BRINP3: variants seen among roughly 807,000 people sequenced by gnomAD.
BRINP3 encodes the protein BMP/retinoic acid-inducible neural-specific protein 3.
A neutral mutation model predicts 71.0 loss-of-function variants in BRINP3; 19 were observed. That is an observed-to-expected ratio of 0.27 (90% confidence interval 0.19 to 0.39). The LOEUF (loss-of-function observed/expected upper bound fraction) is 0.39. Among genes scored for constraint, BRINP3 ranks in the 10% least tolerant of loss-of-function variants. The probability of loss-of-function intolerance (pLI) is 1.00; values close to 1 mark genes in which losing one functional copy is unlikely to be tolerated. For synonymous variants in BRINP3, 380 were observed against 337.7 expected, an observed-to-expected ratio of 1.13 and a Z score of -1.37; for missense variants, 959 against 940.8, an observed-to-expected ratio of 1.02 and a Z score of -0.25.
At chr1:190,402,198 C>T (rs775357506) in intron 2 of BRINP3, among the ~76,000 whole-genome samples, 3 of 151,956 alleles carry the variant, frequency 2.0e-5, no homozygotes, top group Non-Finnish European at 4.4e-5. Context: ...GTTTAATTTG[C>T]CTGCTATTTT....
At chr1:190,166,534 AT>A (rs1280975326) in intron 6 of BRINP3, among the ~76,000 whole-genome samples, 1 of 152,126 alleles carries the variant, frequency 6.6e-6, no homozygotes, top group Non-Finnish European at 1.5e-5. Flanking sequence ...TGGGTGTATC[AT>A]TTAAACTAGA....
chr1:190,370,294 A>AC lies in BRINP3; in HGVS notation c.236+84360dup, dbSNP rs537123733. Among the ~76,000 whole-genome samples, 817 of 152,326 alleles carry AC rather than the reference A, an allele frequency of 5.4e-3. 4 individuals carry two copies. Among genetic ancestry groups the AC allele is most frequent in the Middle Eastern group, 0.014 (4 of 294 alleles). On this transcript the variant is annotated intron_variant, in intron 2 of 7. Transcript: ENST00000367462. Reference sequence around the variant, plus strand: ...GTCTAAGAAGGAAATTATTATAGAAACAGAAGATATTTGTAAAATATTTAA... The same window carrying AC: ...GTCTAAGAAGGAAATTATTATAGAAACCAGAAGATATTTGTAAAATATTTAA...
At chr1:190,307,642 T>C (rs539364899) in intron 2 of BRINP3, among the ~76,000 whole-genome samples, 61 of 151,976 alleles carry the variant, frequency 4.0e-4, no homozygotes, top group Non-Finnish European at 6.2e-4. Context: ...TACTGCTTTT[T>C]AATTTTTTTC....
In BRINP3 at chr1:190,097,811, G is replaced by A; in HGVS notation, c.*207C>T. On this transcript the variant is annotated 3_prime_UTR_variant, in exon 8 of 8. Coordinates refer to ENST00000367462, the MANE Select transcript of BRINP3 (RefSeq NM_199051.3). ...TAGAATGTCTTCTAGACTGGTGTCA[G>A]TATTTATGTCATTCATAAACCAAAA... The A allele has an allele frequency of 3.7e-6, 2 of 547,356 alleles. No individual in the cohort carries two copies. Among genetic ancestry groups the A allele is most frequent in the Non-Finnish European group, 6.4e-6 (2 of 311,956 alleles). The allele number at this position is 547,356 out of a possible 1,614,324, so 33.9% of individuals were successfully genotyped here.
chr1:190,313,963 C>T (rs1665712006), intron 2 of BRINP3, among the ~76,000 whole-genome samples: 1 of 151,948 alleles, frequency 6.6e-6, no homozygotes, highest in African/African-American at 2.4e-5. Context: ...ATCTTTCATA[C>T]ATCAAATGCA....
At chr1:190,348,905 A>G (rs1478849476) in intron 2 of BRINP3, among the ~76,000 whole-genome samples, 1 of 152,148 alleles carries the variant, frequency 6.6e-6, no homozygotes, top group African/African-American at 2.4e-5. Flanking sequence ...CTATTTTATA[A>G]CACAACGCAA....
At chr1:190,384,675 A>T (rs551348109) in intron 2 of BRINP3, among the ~76,000 whole-genome samples, 26 of 151,986 alleles carry the variant, frequency 1.7e-4, no homozygotes, top group Non-Finnish European at 3.2e-4. Flanking sequence ...TAATACTGTT[A>T]TCACATCCTT....
intron 2 of BRINP3, among the ~76,000 whole-genome samples, chr1:190,321,797 A>G (rs1666265059): frequency 6.6e-6 from 1 of 152,096 alleles, no homozygotes; most frequent in Admixed American, 6.6e-5. Context: ...GTAATATTTA[A>G]ATATAGTTGG....
At chr1:190,232,146 A>G (rs1454941451) in intron 5 of BRINP3, among the ~76,000 whole-genome samples, 1 of 151,958 alleles carries the variant, frequency 6.6e-6, no homozygotes, top group African/African-American at 2.4e-5. Context: ...ACCTATATCC[A>G]TCCATTTATC....
intron 2 of BRINP3, among the ~76,000 whole-genome samples, chr1:190,373,501 T>C (rs1268330004): frequency 6.6e-6 from 1 of 151,756 alleles, no homozygotes; most frequent in African/African-American, 2.4e-5. Context: ...TGTGTATATA[T>C]ATACACACAC....
intron 2 of BRINP3, among the ~76,000 whole-genome samples, chr1:190,303,202 A>G (rs1046695191): frequency 6.6e-6 from 1 of 151,834 alleles, no homozygotes; most frequent in African/African-American, 2.4e-5. Context: ...AAGAGTAATT[A>G]AAATTAAATT....
intron 2 of BRINP3, among the ~76,000 whole-genome samples, chr1:190,311,974 C>G (rs1322795962): frequency 7.3e-6 from 1 of 136,226 alleles, no homozygotes; most frequent in African/African-American, 2.7e-5. Context: ...CTTAATTAGA[C>G]AAAATATTTA....
intron 7 of BRINP3, among the ~76,000 whole-genome samples, chr1:190,157,058 C>G (rs1052149089): frequency 6.6e-6 from 1 of 151,762 alleles, no homozygotes; most frequent in African/African-American, 2.4e-5. Context: ...TATATCTGCA[C>G]TTTCTGATAA....
At chr1:190,451,177 G>A (rs1558298514) in intron 2 of BRINP3, among the ~76,000 whole-genome samples, 1 of 118,806 alleles carries the variant, frequency 8.4e-6, no homozygotes, top group Non-Finnish European at 1.9e-5. Flanking sequence ...AATGGTAGAA[G>A]TTAGGGAAAG....
intron 6 of BRINP3, among the ~76,000 whole-genome samples, chr1:190,173,855 T>C (rs1422777245): frequency 6.6e-6 from 1 of 152,170 alleles, no homozygotes; most frequent in African/African-American, 2.4e-5. Flanking sequence ...CTTCAGTGTC[T>C]GGAATAAAAG....
chr1:190,290,980 G>T (rs1457309953), intron 2 of BRINP3, among the ~76,000 whole-genome samples: 1 of 151,534 alleles, frequency 6.6e-6, no homozygotes, highest in East Asian at 1.9e-4. Context: ...ATGGAGTATA[G>T]AGAGAGAGAG....
At chr1:190,182,729 A>T (rs1158267499) in intron 6 of BRINP3, among the ~76,000 whole-genome samples, 1 of 152,100 alleles carries the variant, frequency 6.6e-6, no homozygotes, top group African/African-American at 2.4e-5. Flanking sequence ...GGCACATCAG[A>T]TAATATTTAG....
At chr1:190,389,044 C>T (rs991495319) in intron 2 of BRINP3, among the ~76,000 whole-genome samples, 4 of 151,326 alleles carry the variant, frequency 2.6e-5, no homozygotes, top group African/African-American at 9.7e-5. Flanking sequence ...TATGAAGTAC[C>T]TATAAGGTAA....
chr1:190,450,765 A>G (rs1675552893), intron 2 of BRINP3, among the ~76,000 whole-genome samples: 1 of 152,054 alleles, frequency 6.6e-6, no homozygotes, highest in African/African-American at 2.4e-5. Context: ...ATAGGCTTAT[A>G]TATATGTTAT....
Sources: gnomAD v4.1 joint callset for allele counts (sites outside exome capture counted in the v4.1 genomes callset) on GRCh38, gnomAD v4.1.1 for gene constraint, MANE v1.5 for transcripts, NCBI Gene and HGNC (gene_info 2026-07-23, HGNC 2026-07-21) for gene names.